RBFOX1: variants seen among roughly 807,000 people sequenced by gnomAD.
The protein encoded by RBFOX1 is RNA binding protein fox-1 homolog 1.
In RBFOX1, 8 loss-of-function variants were observed where a neutral mutation model predicts 57.7. The ratio of observed to expected loss-of-function variants is 0.14; its 90% CI spans 0.08 to 0.25. The LOEUF (loss-of-function observed/expected upper bound fraction) is 0.25, where lower values mean the gene tolerates loss of function less well. Ranked by LOEUF, RBFOX1 falls within the 10% of genes least tolerant of loss-of-function variation. The probability of loss-of-function intolerance (pLI) is 1.00; values close to 1 mark genes in which losing one functional copy is unlikely to be tolerated. For synonymous variants in RBFOX1, 326 were observed against 222.4 expected (o/e 1.47, Z -4.15); for missense variants, 611 against 548.5 (o/e 1.11, Z -1.14).
At chr16:6,941,312 T>G in intron 3 of RBFOX1, among the ~76,000 whole-genome samples, 1 of 86,346 alleles carries the variant, frequency 1.2e-5, no homozygotes. Context: ...CCTTCCTTCC[T>G]TCCTTCCTTC....
At chr16:6,694,983 G>A (rs1241590105) in intron 3 of RBFOX1, among the ~76,000 whole-genome samples, 1 of 151,966 alleles carries the variant, frequency 6.6e-6, no homozygotes, top group African/African-American at 2.4e-5. Context: ...TGTAGGTGAA[G>A]GGAAAAAAAT....
intron 1 of RBFOX1, among the ~76,000 whole-genome samples, chr16:6,131,600 C>G (rs920770979): frequency 1.3e-5 from 2 of 152,186 alleles, no homozygotes; most frequent in African/African-American, 4.8e-5. Context: ...ACTGTGTGGA[C>G]AGAAGTTGCG....
chr16:6,728,776 A>T (rs1218591265), intron 3 of RBFOX1, among the ~76,000 whole-genome samples: 1 of 152,226 alleles, frequency 6.6e-6, no homozygotes, highest in Non-Finnish European at 1.5e-5. Context: ...CAAAGCCATT[A>T]AACTAATTGT....
chr16:6,587,467 A>G (rs942153726), intron 2 of RBFOX1, among the ~76,000 whole-genome samples: 4 of 152,116 alleles, frequency 2.6e-5, no homozygotes, highest in African/African-American at 4.8e-5. Flanking sequence ...TTTTTAGCAG[A>G]GACAGGGTTT....
chr16:7,352,935 C>T (rs957440162), intron 4 of RBFOX1, among the ~76,000 whole-genome samples: 2 of 152,072 alleles, frequency 1.3e-5, no homozygotes, highest in African/African-American at 2.4e-5. Context: ...ACGCTGGTAT[C>T]GAACTGCTAG....
intron 2 of RBFOX1, among the ~76,000 whole-genome samples, chr16:6,443,570 A>T (rs2094429471): frequency 6.6e-6 from 1 of 152,186 alleles, no homozygotes; most frequent in Non-Finnish European, 1.5e-5. Context: ...GTGCTCTGTA[A>T]CTTCTCTCCC....
At chr16:6,741,111 T>G (rs2071945910) in intron 3 of RBFOX1, among the ~76,000 whole-genome samples, 2 of 152,130 alleles carry the variant, frequency 1.3e-5, no homozygotes, top group Admixed American at 1.3e-4. Flanking sequence ...AAAAGCAATT[T>G]AATGGGGGAA....
intron 3 of RBFOX1, among the ~76,000 whole-genome samples, chr16:5,829,746 C>G (rs1415055537): frequency 6.6e-6 from 1 of 152,164 alleles, no homozygotes; most frequent in Non-Finnish European, 1.5e-5. Context: ...GTTATTTCCA[C>G]TCATTTGAAA....
chr16:6,557,865 G>A (rs2097126794), intron 2 of RBFOX1, among the ~76,000 whole-genome samples: 1 of 152,130 alleles, frequency 6.6e-6, no homozygotes, highest in Non-Finnish European at 1.5e-5. Flanking sequence ...TTAATATTGT[G>A]TATTCTCCCC....
intron 1 of RBFOX1, among the ~76,000 whole-genome samples, chr16:6,297,232 GC>G (rs1375648650): frequency 2.6e-5 from 4 of 152,036 alleles, no homozygotes; most frequent in Admixed American, 2.6e-4. Flanking sequence ...TGTATCTTGT[GC>G]CAACCTCCTA....
intron 4 of RBFOX1, among the ~76,000 whole-genome samples, chr16:7,067,005 A>G (rs773812066): frequency 9.2e-5 from 14 of 152,214 alleles, no homozygotes; most frequent in Non-Finnish European, 1.6e-4. Flanking sequence ...CCTAACAAAC[A>G]GTAACAGATT....
chr16:7,436,436 G>A (rs988130525), intron 4 of RBFOX1, among the ~76,000 whole-genome samples: 1 of 152,106 alleles, frequency 6.6e-6, no homozygotes, highest in Non-Finnish European at 1.5e-5. Context: ...TGTGAAATTT[G>A]GACAGTGTCC....
intron 4 of RBFOX1, among the ~76,000 whole-genome samples, chr16:7,310,960 C>T (rs1481168141): frequency 6.6e-6 from 1 of 152,200 alleles, no homozygotes; most frequent in Non-Finnish European, 1.5e-5. Flanking sequence ...GGAAAACTTC[C>T]GCTTGGCCTG....
intron 3 of RBFOX1, among the ~76,000 whole-genome samples, chr16:6,906,475 A>G (rs900422733): frequency 6.6e-6 from 1 of 152,194 alleles, no homozygotes. Context: ...ATAATTTGAA[A>G]TAAGAGTGTA....
chr16:6,430,664 G>C (rs563644445), intron 2 of RBFOX1, among the ~76,000 whole-genome samples: 1 of 152,148 alleles, frequency 6.6e-6, no homozygotes, highest in African/African-American at 2.4e-5. Flanking sequence ...GGAGCGGGAT[G>C]GTCACATAGG....
intron 3 of RBFOX1, among the ~76,000 whole-genome samples, chr16:6,823,789 C>A (rs186872346): frequency 4.0e-5 from 6 of 151,788 alleles, no homozygotes; most frequent in Non-Finnish European, 7.4e-5. Context: ...GATAGGAAAA[C>A]TAATAATAGG....
intron 4 of RBFOX1, among the ~76,000 whole-genome samples, chr16:5,941,159 G>A (rs1478846429): frequency 6.6e-6 from 1 of 152,072 alleles, no homozygotes; most frequent in African/African-American, 2.4e-5. Flanking sequence ...CTTTCTTGGT[G>A]GTGTGGAGAA....
At chr16:6,983,357 G>C (rs766901788) in intron 3 of RBFOX1, among the ~76,000 whole-genome samples, 23 of 152,066 alleles carry the variant, frequency 1.5e-4, no homozygotes, top group African/African-American at 5.3e-4. Flanking sequence ...AGAATTATTG[G>C]TGGGGGGTGG....
intron 2 of RBFOX1, among the ~76,000 whole-genome samples, chr16:5,501,576 G>A (rs549563984): frequency 5.9e-5 from 9 of 152,020 alleles, no homozygotes; most frequent in Non-Finnish European, 8.8e-5. Context: ...TTGCAGTCTC[G>A]TTTTTCCCCT....
Sources: allele counts gnomAD v4.1 joint callset (sites outside exome capture counted in the v4.1 genomes callset), GRCh38; gene constraint gnomAD v4.1.1; transcripts MANE v1.5; gene names NCBI Gene and HGNC (gene_info 2026-07-23, HGNC 2026-07-21).